Variants in LRFN5 observed in about 807,000 individuals in gnomAD.
LRFN5 encodes the protein leucine-rich repeat and fibronectin type-III domain-containing protein 5.
Under a neutral mutation model 45.6 loss-of-function variants are expected in LRFN5, and 24 were observed. That is an observed-to-expected ratio of 0.53 (90% CI 0.38 to 0.74). The LOEUF is 0.74. Among genes scored for constraint, LRFN5 ranks in the 30% least tolerant of loss-of-function variants. The pLI is 0.00. For synonymous variants in LRFN5, 340 were observed against 313.8 expected, an observed-to-expected ratio of 1.08 and a Z score of -0.88; for missense variants, 776 against 861.5, an observed-to-expected ratio of 0.90 and a Z score of 1.24.
chr14:41,712,553 A>G (rs1883329758), intron 1 of LRFN5, among the ~76,000 whole-genome samples: 1 of 152,250 alleles, frequency 6.6e-6, no homozygotes, highest in African/African-American at 2.4e-5. Flanking sequence ...TGGCAATTCT[A>G]AAATTAATAT....
chr14:41,624,236 A>G (rs1361465009), intron 1 of LRFN5, among the ~76,000 whole-genome samples: 2 of 152,094 alleles, frequency 1.3e-5, no homozygotes, highest in Non-Finnish European at 2.9e-5. Flanking sequence ...AAAACATTAT[A>G]CTTTTGTCAT....
intron 1 of LRFN5, among the ~76,000 whole-genome samples, chr14:41,692,639 C>T (rs1483440929): frequency 6.6e-6 from 1 of 152,042 alleles, no homozygotes; most frequent in Non-Finnish European, 1.5e-5. Context: ...TTGTTCAATT[C>T]CCACCTATGA....
At chr14:41,840,422 A>C (rs1888819089) in intron 2 of LRFN5, among the ~76,000 whole-genome samples, 1 of 152,068 alleles carries the variant, frequency 6.6e-6, no homozygotes, top group Non-Finnish European at 1.5e-5. Flanking sequence ...CTATTTAGGC[A>C]ACAGTGCCAT....
chr14:41,615,337 G>A (rs144953030), intron 1 of LRFN5, among the ~76,000 whole-genome samples: 6 of 152,178 alleles, frequency 3.9e-5, no homozygotes, highest in Non-Finnish European at 7.4e-5. Flanking sequence ...GTTGAAAGAG[G>A]CACACAAGTC....
At chr14:41,745,935 A>G (rs542321048) in intron 1 of LRFN5, among the ~76,000 whole-genome samples, 21 of 152,032 alleles carry the variant, frequency 1.4e-4, no homozygotes, top group Non-Finnish European at 2.2e-4. Context: ...ATTCTACTAA[A>G]CATTTATAGA....
At chr14:41,870,940 AC>A (rs1328182660) in intron 2 of LRFN5, among the ~76,000 whole-genome samples, 29 of 152,186 alleles carry the variant, frequency 1.9e-4, no homozygotes, top group African/African-American at 6.5e-4. Context: ...TTATATTACA[AC>A]CGACCAGGTA....
At position 41,891,963 on chromosome 14, in the gene LRFN5, G is replaced by A; in HGVS notation, c.2098+1G>A. ...TCTAAAAGAGCACATATAAAGCCAA[G>A]TAAGTTTATCACTTTGCCTGCTGAG... On this transcript the variant is annotated splice_donor_variant, in intron 4 of 5. Transcript: ENST00000298119. LOFTEE classifies it high-confidence loss of function. The A allele has an allele frequency of 6.2e-7, 1 of 1,610,520 alleles. No individual in the cohort carries two copies. The highest frequency in any genetic ancestry group is 1.1e-5 in the South Asian group (1 of 90,366).
chr14:41,761,875 T>A (rs1339528190), intron 1 of LRFN5, among the ~76,000 whole-genome samples: 1 of 152,108 alleles, frequency 6.6e-6, no homozygotes, highest in East Asian at 1.9e-4. Context: ...CATCTGGGCC[T>A]GGTTTTACAT....
intron 1 of LRFN5, among the ~76,000 whole-genome samples, chr14:41,758,898 C>G (rs1885529667): frequency 6.6e-6 from 1 of 152,166 alleles, no homozygotes; most frequent in Non-Finnish European, 1.5e-5. Context: ...ACTTTCTCCT[C>G]AAGAGATGAC....
At chr14:41,701,591 C>G (rs1661383815) in intron 1 of LRFN5, 1 of 152,156 alleles carries the variant, frequency 6.6e-6, no homozygotes, top group Non-Finnish European at 1.5e-5. Flanking sequence ...CTGTCCCTGT[C>G]CCTGTCCTAC....
intron 1 of LRFN5, among the ~76,000 whole-genome samples, chr14:41,714,936 C>A (rs1883431778): frequency 6.6e-6 from 1 of 151,874 alleles, no homozygotes; most frequent in Non-Finnish European, 1.5e-5. Context: ...ATCATTACGA[C>A]TTTTTAGAAT....
chr14:41,698,202 A>T (rs1412946614), intron 1 of LRFN5, among the ~76,000 whole-genome samples: 2 of 152,044 alleles, frequency 1.3e-5, no homozygotes, highest in Non-Finnish European at 2.9e-5. Flanking sequence ...ACCTGGATAT[A>T]TTACATCCAG....
chr14:41,880,429 C>G (rs1890341391), intron 2 of LRFN5, among the ~76,000 whole-genome samples: 1 of 151,856 alleles, frequency 6.6e-6, no homozygotes, highest in Admixed American at 6.6e-5. Flanking sequence ...TATATTTAGT[C>G]TGAATCACCA....
chr14:41,767,599 A>T (rs1314206972), intron 2 of LRFN5, among the ~76,000 whole-genome samples: 2 of 152,176 alleles, frequency 1.3e-5, no homozygotes, highest in Non-Finnish European at 2.9e-5. Flanking sequence ...CAGCCTTTAA[A>T]TGTGCATACT....
chr14:41,655,553 G>C (rs930707502), intron 1 of LRFN5, among the ~76,000 whole-genome samples: 3 of 151,982 alleles, frequency 2.0e-5, no homozygotes, highest in African/African-American at 7.2e-5. Context: ...GTGTAGGATG[G>C]GAAACCATTA....
chr14:41,889,565 T>C (rs1890707349), intron 3 of LRFN5, among the ~76,000 whole-genome samples: 1 of 152,176 alleles, frequency 6.6e-6, no homozygotes, highest in South Asian at 2.1e-4. Context: ...CTCTGTGAAA[T>C]AAGCCAGATT....
chr14:41,756,385 G>T (rs571982054), intron 1 of LRFN5, among the ~76,000 whole-genome samples: 1 of 152,130 alleles, frequency 6.6e-6, no homozygotes, highest in Non-Finnish European at 1.5e-5. Context: ...CATTCTCCCC[G>T]TCATTTTTAG....
At chr14:41,782,930 A>T (rs1458444938) in intron 2 of LRFN5, among the ~76,000 whole-genome samples, 1 of 146,296 alleles carries the variant, frequency 6.8e-6, no homozygotes, top group East Asian at 2.0e-4. Context: ...AGTGAGCTAT[A>T]TCTCTTGGCT....
chr14:41,706,836 T>C (rs1450067529), intron 1 of LRFN5, among the ~76,000 whole-genome samples: 1 of 152,214 alleles, frequency 6.6e-6, no homozygotes, highest in African/African-American at 2.4e-5. Flanking sequence ...GTTTCTGTTA[T>C]AAAAGAGATC....
Sources: gnomAD v4.1 joint callset for allele counts (sites outside exome capture counted in the v4.1 genomes callset) on GRCh38, gnomAD v4.1.1 for gene constraint, MANE v1.5 for transcripts, NCBI Gene and HGNC (gene_info 2026-07-23, HGNC 2026-07-21) for gene names.